Variants in RRP1B observed in about 807,000 individuals in gnomAD.
RRP1B encodes ribosomal RNA processing protein 1 homolog B.
RRP1B carries 56 observed loss-of-function variants against 80.2 expected under a neutral mutation model. The observed-to-expected ratio is 0.70, with a 90% CI of 0.56 to 0.87. RRP1B has a LOEUF of 0.87. RRP1B is among the 40% of genes least tolerant of loss of function. The pLI, the probability that RRP1B is intolerant of heterozygous loss-of-function variation, is 0.00. For missense variants in RRP1B, 807 were observed against 939.8 expected (o/e 0.86, Z 1.85); for synonymous variants, 351 against 357.6 (o/e 0.98, Z 0.21).
chr21:43,669,912 A>T lies in RRP1B; in HGVS notation c.159A>T (p.Lys53Asn), dbSNP rs780317380. ...GTTTCAGTCAGGAAGAACTTCTGAAAATCTGGAAGGGGCTCTTCTACTGCA... is the reference window on the plus strand; with the variant it reads ...GTTTCAGTCAGGAAGAACTTCTGAATATCTGGAAGGGGCTCTTCTACTGCA... The part of the protein sequence containing the change: ...TGGFSQEELL[K>N]IWKGLFYCMW... Residue 53 changes from lysine to asparagine, a missense_variant, in exon 2 of 16, where the codon AAA (lysine) becomes AAT (asparagine). Physicochemically the swap from Lys to Asn is moderately conservative, Grantham distance 94. Coordinates refer to ENST00000340648, the MANE Select transcript of RRP1B (RefSeq NM_015056.3). The T allele has an allele frequency of 3.7e-6, 6 of 1,613,016 alleles. No homozygotes were observed. The Middle Eastern group carries it at 8.3e-4, about 222-fold the overall frequency.
rs551524005 is a variant in RRP1B at position 43,679,493 on chromosome 21, G to C, written c.796+2579G>C. 3.1e-3 allele frequency among the ~76,000 whole-genome samples: 478 copies of C among 152,188 alleles called. 3 individuals are homozygous for C. Among genetic ancestry groups the C allele is most frequent in the African/African-American group, 0.011 (454 of 41,524 alleles). On this transcript the variant is annotated intron_variant, in intron 8 of 15. Transcript: ENST00000340648. Reference sequence around the variant, plus strand: ...TCACCATGTTGGCCAGGCTGATCTCGAACTCCTGACCTCAAGTGATCCACC... The same window carrying C: ...TCACCATGTTGGCCAGGCTGATCTCCAACTCCTGACCTCAAGTGATCCACC...
intron 1 of RRP1B, among the ~76,000 whole-genome samples, chr21:43,667,132 G>C (rs2082981222): frequency 6.6e-6 from 1 of 152,196 alleles, no homozygotes; most frequent in Non-Finnish European, 1.5e-5. Flanking sequence ...TCTGATGCGT[G>C]ATTATTGCCT....
Position 43,691,287 on chromosome 21 carries a change from C to G in RRP1B, c.2020-152C>G. 2 of 638,028 alleles carry G rather than the reference C, an allele frequency of 3.1e-6. No individual in the cohort carries two copies. Among genetic ancestry groups the G allele is most frequent in the East Asian group, 2.9e-5 (1 of 34,448 alleles). The allele number at this position is 638,028 out of a possible 1,614,324, so 39.5% of individuals were successfully genotyped here. On this transcript the variant is annotated intron_variant, in intron 14 of 15. Coordinates refer to ENST00000340648, the MANE Select transcript of RRP1B (RefSeq NM_015056.3). The surrounding 1 kb of genome is among the most constrained non-coding windows in gnomAD (Gnocchi z 4.2). ...CAGGAGGGTCGGTTTCAGTCTTGGC[C>G]GCAGTCCCTTTGGCCTCTCCCTATA...
chr21:43,683,095 A>G (rs1364177610), intron 8 of RRP1B, among the ~76,000 whole-genome samples, 184 bp from the exon 9 acceptor site: 1 of 152,118 alleles, frequency 6.6e-6, no homozygotes, highest in African/African-American at 2.4e-5. Flanking sequence ...CTGATCTAGA[A>G]TTCCTGGCCT....
rs567051819 is a variant in RRP1B, at chr21:43,681,721, G to C, written c.797-1558G>C. Among the ~76,000 whole-genome samples, 7 of 152,376 alleles carry C rather than the reference G, an allele frequency of 4.6e-5. No individual in the cohort carries two copies. The East Asian group carries it at 1.3e-3, about 29-fold the overall frequency. On this transcript the variant is annotated intron_variant, in intron 8 of 15. Coordinates refer to ENST00000340648, the MANE Select transcript of RRP1B (RefSeq NM_015056.3). Reference sequence around the variant, plus strand: ...AATCCCATCACTTTGGGAGCCTGAGGTGGGAGGATCACTTGAGCCTAGGAG... The same window carrying C: ...AATCCCATCACTTTGGGAGCCTGAGCTGGGAGGATCACTTGAGCCTAGGAG...
rs758839278 is a variant in RRP1B, at chr21:43,691,641, T to C, written c.2083+139T>C. The C allele has an allele frequency of 0.017, 9,985 of 574,930 alleles. 585 individuals carry two copies. Among genetic ancestry groups the C allele is most frequent in the African/African-American group, 0.16 (8,107 of 52,028 alleles). The allele number at this position is 574,930 out of a possible 1,614,324, so 35.6% of individuals were successfully genotyped here. A position where few individuals can be genotyped will look rare whatever the true frequency, so the allele number is the denominator to read the frequency against. ...ACTGCCCATTTCTTTATTTTTATTT[T>C]TTTTTTTTTTTTGAGACAGAGTCTC... On this transcript the variant is annotated intron_variant, in intron 15 of 15. Transcript: ENST00000340648. The surrounding 1 kb of genome is among the most constrained non-coding windows in gnomAD (Gnocchi z 4.2).
chr21:43,684,458 T>C, intron 9 of RRP1B, 95 bp from the exon 10 acceptor site: 1 of 1,056,030 alleles, frequency 9.5e-7, no homozygotes, highest in Non-Finnish European at 1.5e-6. Flanking sequence ...TGCCAAATGC[T>C]TCAGTAAGGG....
Position 43,659,861 on chromosome 21 carries a change from A to AGGGCCC in RRP1B, c.130+68_130+73dup, listed in dbSNP as rs2082941781. The AGGGCCC allele has an allele frequency of 7.2e-7, 1 of 1,393,190 alleles. No individual in the cohort carries two copies. The allele number at this position is 1,393,190 out of a possible 1,614,324, so 86.3% of individuals were successfully genotyped here. A position where few individuals can be genotyped will look rare whatever the true frequency, so the allele number is the denominator to read the frequency against. ...GGGGGCCGGGGCTGGGGCTAGGGCC[A>AGGGCCC]GGGCCCCGGCACGGAATGCGGCTTC... On this transcript the variant is annotated intron_variant, in intron 1 of 15. Coordinates refer to ENST00000340648, the MANE Select transcript of RRP1B (RefSeq NM_015056.3). The surrounding 1 kb of genome is among the most constrained non-coding windows in gnomAD (Gnocchi z 4.2).
chr21:43,677,148 C>T (rs1159468035), intron 8 of RRP1B, among the ~76,000 whole-genome samples: 3 of 152,200 alleles, frequency 2.0e-5, no homozygotes, highest in Admixed American at 2.0e-4. Flanking sequence ...ATTTCTGTAC[C>T]TCTCAGGATC....
chr21:43,662,232 G>A lies in RRP1B; in HGVS notation c.130+2438G>A, dbSNP rs141816316. 7.2e-3 allele frequency among the ~76,000 whole-genome samples: 1,102 copies of A among 152,300 alleles called. 17 individuals are homozygous for A. Among genetic ancestry groups the A allele is most frequent in the Non-Finnish European group, 8.6e-3 (582 of 68,036 alleles). ...GGATTTGCAAATGCAGAGGTTATGC[G>A]GGGGCCTAAGACCAGTTTACACCAG... is the stretch of plus-strand genomic sequence containing the variant. On this transcript the variant is annotated intron_variant, in intron 1 of 15. Coordinates refer to ENST00000340648, the MANE Select transcript of RRP1B (RefSeq NM_015056.3).
chr21:43,678,165 C>CT (rs950694621), intron 8 of RRP1B, among the ~76,000 whole-genome samples: 23 of 149,618 alleles, frequency 1.5e-4, no homozygotes, highest in Admixed American at 8.0e-4. Context: ...GTGCCAACAT[C>CT]TTTTTTTTTT....
chr21:43,685,513 C>T (rs1473479227), intron 10 of RRP1B, among the ~76,000 whole-genome samples: 4 of 152,216 alleles, frequency 2.6e-5, no homozygotes, highest in South Asian at 2.1e-4. Context: ...ATCTTTGGCC[C>T]GCCGTGTCCT....
At chr21:43,680,961 C>T (rs1315932900) in intron 8 of RRP1B, among the ~76,000 whole-genome samples, 3 of 152,088 alleles carry the variant, frequency 2.0e-5, no homozygotes, top group South Asian at 2.1e-4. Flanking sequence ...AAAATCAAGC[C>T]GGTTGCAGTG....
intron 11 of RRP1B, 81 bp from the exon 12 acceptor site, chr21:43,686,723 G>T: frequency 6.6e-7 from 1 of 1,515,790 alleles, no homozygotes; most frequent in Non-Finnish European, 9.0e-7. Flanking sequence ...GGCAGAAATT[G>T]GGAGGGGTGC....
chr21:43,686,717 G>C, intron 11 of RRP1B, 87 bp from the exon 12 acceptor site: 1 of 1,496,426 alleles, frequency 6.7e-7, no homozygotes, highest in Non-Finnish European at 9.1e-7. Flanking sequence ...TGATGAGGCA[G>C]AAATTGGGAG....
chr21:43,681,899 C>A (rs747020513), intron 8 of RRP1B, among the ~76,000 whole-genome samples: 1 of 152,212 alleles, frequency 6.6e-6, no homozygotes, highest in Non-Finnish European at 1.5e-5. Flanking sequence ...TGCCGTGAAT[C>A]ATGATCGTGT....
rs571766139 is a variant in RRP1B, at chr21:43,691,560, C to T, written c.2083+58C>T. The T allele has an allele frequency of 1.0e-3, 1,506 of 1,509,572 alleles. 2 individuals carry two copies. Among genetic ancestry groups the T allele is most frequent in the Non-Finnish European group, 1.3e-3 (1,383 of 1,086,364 alleles). 93.5% of individuals were successfully genotyped at this position (1,509,572 alleles called of 1,614,324 possible). ...TGGAGCACAGCTGCAGCTCCTGGCG[C>T]GGCTCGCAGCCTGGTTCCACAAGGC... is the stretch of plus-strand genomic sequence containing the variant. On this transcript the variant is annotated intron_variant, in intron 15 of 15. Coordinates refer to ENST00000340648, the MANE Select transcript of RRP1B (RefSeq NM_015056.3). The surrounding 1 kb of genome is among the most constrained non-coding windows in gnomAD (Gnocchi z 4.2).
intron 8 of RRP1B, among the ~76,000 whole-genome samples, chr21:43,680,121 T>C (rs904561406): frequency 5.3e-5 from 8 of 152,212 alleles, no homozygotes; most frequent in Admixed American, 1.3e-4. Context: ...AGGTATATGA[T>C]TGTATCATCG....
At position 43,683,324 on chromosome 21, in the gene RRP1B, G is replaced by A. The variant is rs747996554; in HGVS notation, c.842G>A (p.Arg281Lys). 67 of 1,614,096 alleles carry A rather than the reference G, an allele frequency of 4.2e-5. No individual in the cohort carries two copies. The highest frequency in any genetic ancestry group is 5.0e-5 in the Non-Finnish European group (59 of 1,180,036). ...AGAAAAGATGGACTCAGTGATGAAA[G>A]AGGAAGAGATGACTGTGGAACCTTT... ...HSRKDGLSDE[R>K]GRDDCGTFED... Residue 281 changes from arginine (R) to lysine (K), a missense_variant, in exon 9 of 16, where the codon AGA (arginine) becomes AAA (lysine). Coordinates refer to ENST00000340648, the MANE Select transcript of RRP1B (RefSeq NM_015056.3).
Sources: allele counts gnomAD v4.1 joint callset (sites outside exome capture counted in the v4.1 genomes callset), GRCh38; gene constraint gnomAD v4.1.1; non-coding constraint Gnocchi (gnomAD v3.1); transcripts MANE v1.5; gene names NCBI Gene and HGNC (gene_info 2026-07-23, HGNC 2026-07-21).